The following CTNNA3 variants were observed in gnomAD, a reference collection of about 807,000 sequenced individuals.
CTNNA3 encodes the protein catenin alpha-3.
Under a neutral mutation model 95.7 loss-of-function variants are expected in CTNNA3, and 76 were observed. The ratio of observed to expected loss-of-function variants is 0.79; its 90% confidence interval spans 0.66 to 0.96. CTNNA3 has a LOEUF of 0.96. CTNNA3 is among the 40% of genes least tolerant of loss of function. The probability of loss-of-function intolerance (pLI) is 0.00; values close to 1 mark genes in which losing one functional copy is unlikely to be tolerated. For synonymous variants in CTNNA3, 431 were observed against 374.4 expected, an observed-to-expected ratio of 1.15 and a Z score of -1.74; for missense variants, 1,191 against 1,089.8, an observed-to-expected ratio of 1.09 and a Z score of -1.31.
intron 12 of CTNNA3, among the ~76,000 whole-genome samples, chr10:66,345,538 AT>A (rs1007336708): frequency 6.6e-6 from 1 of 151,616 alleles, no homozygotes; most frequent in Admixed American, 6.6e-5. Flanking sequence ...AGAGGGTTTT[AT>A]TTTTTTTCTC....
chr10:66,515,997 C>A (rs553941945), intron 11 of CTNNA3, among the ~76,000 whole-genome samples: 50 of 147,578 alleles, frequency 3.4e-4, no homozygotes, highest in African/African-American at 1.1e-3. Context: ...GAAAATCTGT[C>A]CCCTACAGAA....
chr10:66,009,089 G>A (rs920069518), intron 15 of CTNNA3, among the ~76,000 whole-genome samples: 5 of 151,372 alleles, frequency 3.3e-5, no homozygotes, highest in African/African-American at 1.2e-4. Flanking sequence ...GACAGAGTGA[G>A]ACTCAATCTC....
intron 9 of CTNNA3, among the ~76,000 whole-genome samples, chr10:66,715,399 T>C (rs1237653642): frequency 6.6e-6 from 1 of 152,046 alleles, no homozygotes; most frequent in Non-Finnish European, 1.5e-5. Flanking sequence ...CCCTCCTAGA[T>C]GTTGTCTCAA....
intron 7 of CTNNA3, among the ~76,000 whole-genome samples, chr10:66,845,670 T>A (rs142810520): frequency 0.012 from 1,186 of 98,744 alleles, 17 homozygotes; most frequent in African/African-American, 0.045. Flanking sequence ...GCCATTGCAC[T>A]CCAGCCTGGG....
chr10:66,015,473 T>C (rs1408569258), intron 15 of CTNNA3, among the ~76,000 whole-genome samples: 1 of 152,216 alleles, frequency 6.6e-6, no homozygotes, highest in Non-Finnish European at 1.5e-5. Flanking sequence ...CACTCCTTCA[T>C]TTATGTATTG....
At chr10:67,125,107 G>A (rs1045672177) in intron 7 of CTNNA3, among the ~76,000 whole-genome samples, 1 of 152,066 alleles carries the variant, frequency 6.6e-6, no homozygotes, top group Non-Finnish European at 1.5e-5. Flanking sequence ...TTACCTGTTT[G>A]TTTCACAAAC....
At chr10:66,928,842 C>A (rs1457741691) in intron 7 of CTNNA3, among the ~76,000 whole-genome samples, 1 of 152,182 alleles carries the variant, frequency 6.6e-6, no homozygotes, top group Non-Finnish European at 1.5e-5. Flanking sequence ...AGGTTTGCAC[C>A]TCACTGGCAA....
At chr10:67,450,909 A>G (rs1846955079) in intron 5 of CTNNA3, among the ~76,000 whole-genome samples, 1 of 152,000 alleles carries the variant, frequency 6.6e-6, no homozygotes, top group African/African-American at 2.4e-5. Flanking sequence ...TAATATCTAT[A>G]TATCTATAGA....
At chr10:66,819,946 A>G (rs1842242812) in intron 7 of CTNNA3, among the ~76,000 whole-genome samples, 1 of 152,146 alleles carries the variant, frequency 6.6e-6, no homozygotes, top group African/African-American at 2.4e-5. Flanking sequence ...TGTTATTCAT[A>G]TAGTTACCAG....
intron 9 of CTNNA3, among the ~76,000 whole-genome samples, chr10:66,703,219 T>C (rs564086847): frequency 1.3e-4 from 20 of 152,258 alleles, no homozygotes; most frequent in Middle Eastern, 3.4e-3. Flanking sequence ...TGTACTACTG[T>C]GTCTTTAGTC....
At chr10:66,125,236 T>C (rs936046641) in intron 13 of CTNNA3, among the ~76,000 whole-genome samples, 6 of 152,178 alleles carry the variant, frequency 3.9e-5, no homozygotes, top group African/African-American at 1.2e-4. Context: ...TGATCTAATA[T>C]GTAACATTTG....
chr10:66,147,613 T>G (rs1337170393), intron 13 of CTNNA3, among the ~76,000 whole-genome samples: 1 of 148,048 alleles, frequency 6.8e-6, no homozygotes, highest in Non-Finnish European at 1.5e-5. Flanking sequence ...TTTCAGTTTT[T>G]TTTTTTTTTT....
chr10:66,672,656 G>T (rs192767151), intron 9 of CTNNA3, among the ~76,000 whole-genome samples: 29 of 152,182 alleles, frequency 1.9e-4, no homozygotes, highest in African/African-American at 7.0e-4. Context: ...TATGGTGGGA[G>T]AGGAGACGTA....
chr10:67,219,851 T>C lies in CTNNA3; in HGVS notation c.599A>G (p.Gln200Arg). ...KRQQDLKSPN[Q>R]RDEIAGARAS... ...TCGGGCTCCTGCAATTTCATCTCTCTGATTTGGAGATTTTAAGTCCTGAGA... is the reference window on the plus strand; with the variant it reads ...TCGGGCTCCTGCAATTTCATCTCTCCGATTTGGAGATTTTAAGTCCTGAGA... Residue 200 changes from glutamine to arginine, a missense_variant, in exon 6 of 18, where the codon CAG becomes CGG. Transcript: ENST00000433211. 3.1e-6 allele frequency: 5 copies of C among 1,611,332 alleles called. No individual in the cohort carries two copies. The highest frequency in any genetic ancestry group is 4.2e-6 in the Non-Finnish European group (5 of 1,178,026).
chr10:66,188,726 A>C (rs774872047), intron 13 of CTNNA3, among the ~76,000 whole-genome samples: 3 of 151,836 alleles, frequency 2.0e-5, no homozygotes, highest in Non-Finnish European at 4.4e-5. Flanking sequence ...AGGAGAGTGT[A>C]GGTATCATTA....
chr10:66,516,286 A>C (rs960029668), intron 11 of CTNNA3, among the ~76,000 whole-genome samples: 2 of 152,142 alleles, frequency 1.3e-5, no homozygotes, highest in African/African-American at 2.4e-5. Context: ...AAACTAATAT[A>C]AGATAAGCTT....
At chr10:66,978,677 G>C (rs991940154) in intron 7 of CTNNA3, among the ~76,000 whole-genome samples, 2 of 147,906 alleles carry the variant, frequency 1.4e-5, no homozygotes, top group Non-Finnish European at 3.0e-5. Flanking sequence ...ACTATAAATA[G>C]CAAATAAAAA....
chr10:66,097,071 A>G (rs2081422651), intron 14 of CTNNA3, among the ~76,000 whole-genome samples: 1 of 152,160 alleles, frequency 6.6e-6, no homozygotes, highest in Non-Finnish European at 1.5e-5. Flanking sequence ...TACTTTTGTG[A>G]ATACAGATTT....
chr10:66,158,361 C>G (rs968930475), intron 13 of CTNNA3, among the ~76,000 whole-genome samples: 2 of 152,028 alleles, frequency 1.3e-5, no homozygotes, highest in Non-Finnish European at 2.9e-5. Context: ...GTTTCATTCT[C>G]CTACATGTGG....
Sources: gnomAD v4.1 joint callset for allele counts (sites outside exome capture counted in the v4.1 genomes callset) on GRCh38, gnomAD v4.1.1 for gene constraint, MANE v1.5 for transcripts, NCBI Gene and HGNC (gene_info 2026-07-23, HGNC 2026-07-21) for gene names.